The following PAK5 variants were observed in gnomAD, a reference collection of about 807,000 sequenced individuals.
PAK5 encodes p21 (RAC1) activated kinase 5.
A neutral mutation model predicts 65.9 loss-of-function variants in PAK5; 16 were observed. That is an observed-to-expected ratio of 0.24 (90% CI 0.16 to 0.37). The LOEUF is 0.37. Among genes scored for constraint, PAK5 ranks in the 10% least tolerant of loss-of-function variants. The pLI is 1.00. For synonymous variants in PAK5, 371 were observed against 354.9 expected (o/e 1.05, Z -0.51); for missense variants, 785 against 903.9 (o/e 0.87, Z 1.69).
At chr20:9,655,380 G>C (rs937172532) in intron 2 of PAK5, among the ~76,000 whole-genome samples, 5 of 151,106 alleles carry the variant, frequency 3.3e-5, no homozygotes, top group African/African-American at 1.2e-4. Flanking sequence ...ATAAACATAA[G>C]ACCACTCTAA....
intron 6 of PAK5, among the ~76,000 whole-genome samples, chr20:9,558,517 T>G (rs1307362553): frequency 1.3e-5 from 2 of 152,190 alleles, no homozygotes; most frequent in Non-Finnish European, 2.9e-5. Context: ...GCGTGGCTGT[T>G]AAATGATCAT....
intron 3 of PAK5, among the ~76,000 whole-genome samples, chr20:9,627,860 C>T (rs1055400576): frequency 6.6e-6 from 1 of 152,136 alleles, no homozygotes; most frequent in Non-Finnish European, 1.5e-5. Flanking sequence ...CTCCTGACCT[C>T]AAGTGATCCT....
intron 7 of PAK5, among the ~76,000 whole-genome samples, chr20:9,551,882 G>A (rs546183055): frequency 2.0e-4 from 30 of 152,298 alleles, no homozygotes; most frequent in Non-Finnish European, 3.5e-4. Context: ...GTTAGAGAAC[G>A]TTATGGAAAA....
intron 1 of PAK5, among the ~76,000 whole-genome samples, chr20:9,722,918 G>C (rs1249674688): frequency 6.6e-6 from 1 of 151,908 alleles, no homozygotes; most frequent in Non-Finnish European, 1.5e-5. Flanking sequence ...TGTATGTTTA[G>C]TGGAGACAGG....
chr20:9,591,727 G>T (rs2046174437), intron 3 of PAK5, among the ~76,000 whole-genome samples: 1 of 151,902 alleles, frequency 6.6e-6, no homozygotes, highest in Admixed American at 6.6e-5. Flanking sequence ...AATATGCAAT[G>T]CTAAGGGCCA....
intron 1 of PAK5, among the ~76,000 whole-genome samples, chr20:9,791,233 C>A (rs6056877): frequency 0.056 from 8,589 of 152,180 alleles, 815 homozygotes; most frequent in African/African-American, 0.19. Flanking sequence ...AAAATCCCTG[C>A]TTCCTGGAAA....
chr20:9,638,168 T>A (rs2123250372), intron 3 of PAK5, among the ~76,000 whole-genome samples: 1 of 152,356 alleles, frequency 6.6e-6, no homozygotes, highest in East Asian at 1.9e-4. Context: ...CACAAACAAA[T>A]ACGACCATTC....
chr20:9,662,986 A>C (rs1280005698), intron 2 of PAK5, among the ~76,000 whole-genome samples: 1 of 152,194 alleles, frequency 6.6e-6, no homozygotes, highest in Non-Finnish European at 1.5e-5. Flanking sequence ...GCAAATATAA[A>C]ATGGCAACAA....
Position 9,580,525 on chromosome 20 carries a change from C to T in PAK5, c.610G>A (p.Asp204Asn). Residue 204 changes from aspartate (D) to asparagine (N), a missense_variant, in exon 4 of 10, where the codon GAC becomes AAC. By Grantham distance (23) the Asp-to-Asn change is conservative (BLOSUM62 1). Transcript: ENST00000353224. ...RFSADYHSHL[D>N]SLSKPSEYSD... ...TATTCACTTGGTTTGCTCAGTGAGT[C>T]CAAATGTGAGTGATAATCGGCAGAA... 6.2e-7 allele frequency: 1 copy of T among 1,614,076 alleles called. No homozygotes were observed. The highest frequency in any genetic ancestry group is 1.1e-5 in the South Asian group (1 of 91,066).
At chr20:9,825,318 A>AT (rs1308054535) in intron 1 of PAK5, among the ~76,000 whole-genome samples, 1 of 152,098 alleles carries the variant, frequency 6.6e-6, no homozygotes, top group Non-Finnish European at 1.5e-5. Flanking sequence ...GTTTTTTATT[A>AT]TTTTTTAGTA....
At chr20:9,592,246 T>C (rs546032078) in intron 3 of PAK5, among the ~76,000 whole-genome samples, 1 of 152,268 alleles carries the variant, frequency 6.6e-6, no homozygotes, top group East Asian at 1.9e-4. Context: ...GGGTACAATG[T>C]TCAATATTTC....
In PAK5 at chr20:9,607,960, C is replaced by T. The variant is rs761598208; in HGVS notation, c.205-27030G>A. ...TTTTAAACAATAGAAATCTATTTCT[C>T]ACAGTTCTGGAGGCTGGGAATTCCA... On this transcript the variant is annotated intron_variant, in intron 3 of 9. Transcript: ENST00000353224. Among the ~76,000 whole-genome samples the T allele has an allele frequency of 2.6e-5, 4 of 152,176 alleles. No homozygotes were observed. The East Asian group carries it at 5.8e-4, about 22-fold the overall frequency.
At chr20:9,632,480 T>A (rs1215463063) in intron 3 of PAK5, among the ~76,000 whole-genome samples, 1 of 152,206 alleles carries the variant, frequency 6.6e-6, no homozygotes, top group African/African-American at 2.4e-5. Context: ...CTGCGTGGAT[T>A]ACATGCATAA....
chr20:9,598,793 T>G (rs1178538520), intron 3 of PAK5, among the ~76,000 whole-genome samples: 1 of 152,246 alleles, frequency 6.6e-6, no homozygotes. Context: ...TTTGCCCACT[T>G]TTGATGGGGC....
At chr20:9,686,088 A>G (rs1309513495) in intron 2 of PAK5, among the ~76,000 whole-genome samples, 1 of 152,222 alleles carries the variant, frequency 6.6e-6, no homozygotes, top group African/African-American at 2.4e-5. Flanking sequence ...GTGGCAAAAA[A>G]AGGCTTTCTA....
intron 7 of PAK5, among the ~76,000 whole-genome samples, chr20:9,556,826 A>G (rs569248761): frequency 1.3e-5 from 2 of 152,114 alleles, no homozygotes; most frequent in African/African-American, 2.4e-5. Flanking sequence ...TCCCTCCTCC[A>G]AGCCTTAGGA....
At chr20:9,636,411 GT>G (rs1450143602) in intron 3 of PAK5, among the ~76,000 whole-genome samples, 1 of 152,130 alleles carries the variant, frequency 6.6e-6, no homozygotes, top group East Asian at 1.9e-4. Context: ...GATTTTTCCT[GT>G]TTTTGTGAAT....
chr20:9,766,721 G>T (rs1463598327), intron 1 of PAK5, among the ~76,000 whole-genome samples: 2 of 151,544 alleles, frequency 1.3e-5, no homozygotes, highest in Non-Finnish European at 2.9e-5. Flanking sequence ...ACTAATCTAA[G>T]ATGTTAGAAA....
intron 3 of PAK5, among the ~76,000 whole-genome samples, chr20:9,629,477 C>CT (rs909864640): frequency 3.1e-5 from 4 of 127,312 alleles, no homozygotes; most frequent in African/African-American, 7.7e-5. Flanking sequence ...CTTCCTCCTC[C>CT]TTTTTTTTTT....
Sources: gnomAD v4.1 joint callset for allele counts (sites outside exome capture counted in the v4.1 genomes callset) on GRCh38, gnomAD v4.1.1 for gene constraint, MANE v1.5 for transcripts, NCBI Gene and HGNC (gene_info 2026-07-23, HGNC 2026-07-21) for gene names.